The following RBFOX1 variants were observed in gnomAD, a reference collection of about 807,000 sequenced individuals.
The protein encoded by RBFOX1 is RNA binding protein fox-1 homolog 1.
Under a neutral mutation model 57.7 loss-of-function variants are expected in RBFOX1, and 8 were observed. That is an observed-to-expected ratio of 0.14 (90% CI 0.08 to 0.25). The LOEUF (loss-of-function observed/expected upper bound fraction) is 0.25, where lower values mean the gene tolerates loss of function less well. RBFOX1 is among the 10% of genes least tolerant of loss of function. The probability of loss-of-function intolerance (pLI) is 1.00; values close to 1 mark genes in which losing one functional copy is unlikely to be tolerated. For synonymous variants in RBFOX1, 326 were observed against 222.4 expected, an observed-to-expected ratio of 1.47 and a Z score of -4.15; for missense variants, 611 against 548.5, an observed-to-expected ratio of 1.11 and a Z score of -1.14.
chr16:6,487,673 TA>T (rs777856402), intron 2 of RBFOX1, among the ~76,000 whole-genome samples: 40 of 38,756 alleles, frequency 1.0e-3, no homozygotes, highest in African/African-American at 2.0e-3. Context: ...GTGATATATG[TA>T]AAAAAAAAAA....
chr16:5,519,620 G>T (rs1482188100), intron 2 of RBFOX1, among the ~76,000 whole-genome samples: 1 of 152,144 alleles, frequency 6.6e-6, no homozygotes, highest in African/African-American at 2.4e-5. Context: ...AGCTACACTG[G>T]AGGCTGAGGC....
intron 3 of RBFOX1, among the ~76,000 whole-genome samples, chr16:6,779,454 T>G (rs1051569378): frequency 6.6e-6 from 1 of 151,830 alleles, no homozygotes; most frequent in Non-Finnish European, 1.5e-5. Context: ...ACTTGGCTGT[T>G]GTGAAGAGTA....
chr16:7,037,149 C>T (rs142380669), intron 3 of RBFOX1, among the ~76,000 whole-genome samples: 1 of 148,582 alleles, frequency 6.7e-6, no homozygotes, highest in African/African-American at 2.5e-5. Context: ...TGTATCTTGT[C>T]TTGTGCTGAC....
chr16:6,912,584 G>T lies in RBFOX1; in HGVS notation c.-15-139473G>T, dbSNP rs1291857205. Among the ~76,000 whole-genome samples, 5 of 149,998 alleles carry T rather than the reference G, an allele frequency of 3.3e-5. No individual in the cohort carries two copies. In the Admixed American group the frequency reaches 3.4e-4, roughly 10 times the overall value. On this transcript the variant is annotated intron_variant, in intron 3 of 15. Transcript: ENST00000550418. The stretch of plus-strand genomic sequence containing the variant: ...TTGTTTCTTTTACTTTTTCTTTCTT[G>T]CTTTCTTGCTTTCTTTTCTTGTGTG...
At chr16:6,342,077 C>G (rs1316614677) in intron 2 of RBFOX1, among the ~76,000 whole-genome samples, 3 of 152,126 alleles carry the variant, frequency 2.0e-5, no homozygotes, top group Non-Finnish European at 4.4e-5. Context: ...GCACAGGGCA[C>G]AGTAAGGATT....
At chr16:6,228,235 A>C (rs751402101) in intron 1 of RBFOX1, among the ~76,000 whole-genome samples, 2 of 152,160 alleles carry the variant, frequency 1.3e-5, no homozygotes, top group Non-Finnish European at 2.9e-5. Context: ...AGGTGGGAGA[A>C]TCGCTTGAAC....
At chr16:5,926,688 T>TG (rs983975842) in intron 4 of RBFOX1, among the ~76,000 whole-genome samples, 1 of 152,226 alleles carries the variant, frequency 6.6e-6, no homozygotes, top group African/African-American at 2.4e-5. Flanking sequence ...GCTGAAGACT[T>TG]GGGGTCTGCA....
intron 4 of RBFOX1, among the ~76,000 whole-genome samples, chr16:5,966,498 C>T (rs1051462240): frequency 1.3e-5 from 2 of 152,186 alleles, no homozygotes; most frequent in African/African-American, 4.8e-5. Flanking sequence ...TACTCAGTCC[C>T]CCAGGCTGGA....
At chr16:5,808,878 G>C (rs1191437725) in intron 3 of RBFOX1, among the ~76,000 whole-genome samples, 3 of 152,134 alleles carry the variant, frequency 2.0e-5, no homozygotes, top group South Asian at 4.1e-4. Context: ...GGGACAATTT[G>C]ACTCCCTGTT....
At chr16:7,567,890 C>A (rs1267282169) in intron 5 of RBFOX1, among the ~76,000 whole-genome samples, 1 of 12,818 alleles carries the variant, frequency 7.8e-5, no homozygotes, top group African/African-American at 6.3e-4. Context: ...CATATGTATA[C>A]CTATGTATAT....
At chr16:6,193,385 A>ACAT (rs1567650903) in intron 1 of RBFOX1, among the ~76,000 whole-genome samples, 2 of 46,868 alleles carry the variant, frequency 4.3e-5, no homozygotes, top group Non-Finnish European at 8.2e-5. Flanking sequence ...TACATTATAT[A>ACAT]TATATACTAT....
chr16:6,076,311 A>C (rs1035916304), intron 1 of RBFOX1, among the ~76,000 whole-genome samples: 7 of 148,484 alleles, frequency 4.7e-5, no homozygotes, highest in African/African-American at 1.5e-4. Context: ...AAAAAAAAAA[A>C]CAACAAACGC....
chr16:7,438,165 A>C (rs1319214534), intron 4 of RBFOX1, among the ~76,000 whole-genome samples: 1 of 152,224 alleles, frequency 6.6e-6, no homozygotes, highest in African/African-American at 2.4e-5. Context: ...AGATTATATA[A>C]GAAAAATCAG....
chr16:6,984,223 C>T (rs375443295), intron 3 of RBFOX1, among the ~76,000 whole-genome samples: 114 of 152,172 alleles, frequency 7.5e-4, no homozygotes, highest in Middle Eastern at 6.8e-3. Flanking sequence ...CTCCAGCCTA[C>T]GCAACAAGAG....
chr16:6,118,739 G>GTCCT lies in RBFOX1; in HGVS notation c.-127+98762_-127+98765dup, dbSNP rs57245932. On this transcript the variant is annotated intron_variant, in intron 1 of 15. Transcript: ENST00000550418. ...TCTCCCTCTTTCTCTCTCTCTCTCT[G>GTCCT]TCCTTCCTTCCTTCCTTCTCTCTTT... is the stretch of plus-strand genomic sequence containing the variant. 1.2e-4 allele frequency among the ~76,000 whole-genome samples: 15 copies of GTCCT among 120,814 alleles called. 1 individual carries two copies. In the Admixed American group the frequency reaches 1.5e-3, roughly 12 times the overall value. 79.3% of individuals were successfully genotyped at this position (120,814 alleles called of 152,430 possible). A position where few individuals can be genotyped will look rare whatever the true frequency, so the allele number is the denominator to read the frequency against.
chr16:5,452,759 T>G (rs968898882), intron 1 of RBFOX1, among the ~76,000 whole-genome samples: 3 of 151,976 alleles, frequency 2.0e-5, no homozygotes, highest in Non-Finnish European at 2.9e-5. Flanking sequence ...TTCTCCCGCC[T>G]CAGCCTCCTG....
At chr16:5,264,116 A>G (rs2062803119) in intron 1 of RBFOX1, among the ~76,000 whole-genome samples, 1 of 152,134 alleles carries the variant, frequency 6.6e-6, no homozygotes, top group Non-Finnish European at 1.5e-5. Flanking sequence ...CAAGAAGGAA[A>G]CATGAGGTTG....
In RBFOX1 at chr16:6,791,360, A is replaced by G. The variant is rs542889881; in HGVS notation, c.-16+136710A>G. ...ATTTTAAAATACTTTGCATCAAATT[A>G]TTTCTCTTTCCAGGCAGGACTGGCT... On this transcript the variant is annotated intron_variant, in intron 3 of 15. Coordinates refer to ENST00000550418, the MANE Select transcript of RBFOX1 (RefSeq NM_018723.4). Among the ~76,000 whole-genome samples the G allele has an allele frequency of 6.6e-5, 10 of 152,278 alleles. No individual in the cohort carries two copies. In the South Asian group the frequency reaches 2.1e-3, roughly 32 times the overall value.
chr16:7,317,440 C>A (rs1280671454), intron 4 of RBFOX1, among the ~76,000 whole-genome samples: 1 of 152,126 alleles, frequency 6.6e-6, no homozygotes, highest in East Asian at 1.9e-4. Flanking sequence ...ACCACTATCA[C>A]CACTGTCACC....
Sources: allele counts gnomAD v4.1 joint callset (sites outside exome capture counted in the v4.1 genomes callset), GRCh38; gene constraint gnomAD v4.1.1; transcripts MANE v1.5; gene names NCBI Gene and HGNC (gene_info 2026-07-23, HGNC 2026-07-21).